The following ENTREP2 variants were observed in gnomAD, a reference collection of about 807,000 sequenced individuals.
ENTREP2 encodes the protein endosomal transmembrane epsin interactor 2.
the ENTREP2 span, among the ~76,000 whole-genome samples, chr15:29,603,101 C>T: frequency 6.6e-6 from 1 of 152,082 alleles, no homozygotes; most frequent in Non-Finnish European, 1.5e-5. Context: ...CCTCTGGCTG[C>T]AGTGTGGTGA....
the ENTREP2 span, among the ~76,000 whole-genome samples, chr15:29,459,495 T>G: frequency 2.0e-5 from 3 of 152,172 alleles, no homozygotes; most frequent in African/African-American, 7.2e-5. Context: ...TCCTCAATTC[T>G]CCAGTCTTCA....
the ENTREP2 span, among the ~76,000 whole-genome samples, chr15:29,359,674 G>A: frequency 3.3e-5 from 5 of 152,184 alleles, no homozygotes; most frequent in African/African-American, 1.2e-4. Flanking sequence ...GCCTCCCAAG[G>A]TGCTGGGATT....
chr15:29,570,520 G>A, the ENTREP2 span: 26 of 1,415,318 alleles, frequency 1.8e-5, no homozygotes, highest in African/African-American at 4.5e-5. Context: ...AGCCTGCCCA[G>A]AAGGGGCAGG....
the ENTREP2 span, among the ~76,000 whole-genome samples, chr15:29,588,435 T>C: frequency 6.7e-6 from 1 of 150,310 alleles, no homozygotes; most frequent in South Asian, 2.1e-4. Context: ...GCCACTGTAT[T>C]CCAGCCTGGG....
At chr15:29,394,882 C>A in the ENTREP2 span, among the ~76,000 whole-genome samples, 35 of 95,824 alleles carry the variant, frequency 3.7e-4, no homozygotes, top group African/African-American at 1.7e-3. Context: ...GTCAGAATCT[C>A]TTTTTTTTTT....
At chr15:29,417,549 C>T in the ENTREP2 span, among the ~76,000 whole-genome samples, 2 of 151,924 alleles carry the variant, frequency 1.3e-5, no homozygotes, top group Non-Finnish European at 2.9e-5. Context: ...TGCTGAATGA[C>T]GAGTTAATGG....
At chr15:29,466,238 C>T in the ENTREP2 span, among the ~76,000 whole-genome samples, 2 of 152,096 alleles carry the variant, frequency 1.3e-5, no homozygotes, top group Non-Finnish European at 2.9e-5. Context: ...AGCAAGAAAG[C>T]AGTGAGAGAG....
At chr15:29,389,567 G>T in the ENTREP2 span, among the ~76,000 whole-genome samples, 2 of 152,196 alleles carry the variant, frequency 1.3e-5, no homozygotes, top group Admixed American at 1.3e-4. Flanking sequence ...GTATAGTTCT[G>T]CCAGTAACAG....
chr15:29,501,579 G>GACCA, the ENTREP2 span, among the ~76,000 whole-genome samples: 2 of 152,002 alleles, frequency 1.3e-5, no homozygotes, highest in Admixed American at 1.3e-4. Flanking sequence ...GGGAAAGACT[G>GACCA]AAAGCTTTGC....
the ENTREP2 span, among the ~76,000 whole-genome samples, chr15:29,642,572 T>C: frequency 4.2e-5 from 6 of 143,288 alleles, no homozygotes; most frequent in African/African-American, 1.6e-4. Context: ...TACTATATAC[T>C]ATATATATAC....
chr15:29,234,851 T>C, the ENTREP2 span: 30 of 1,427,402 alleles, frequency 2.1e-5, no homozygotes, highest in Non-Finnish European at 2.9e-5. Context: ...ATTAGATATG[T>C]TTGCTTGGTG....
chr15:29,506,015 A>G, the ENTREP2 span, among the ~76,000 whole-genome samples: 1,710 of 152,236 alleles, frequency 0.011, 28 homozygotes, highest in African/African-American at 0.039. Flanking sequence ...AGAGCCTTGA[A>G]AAAGGTTAGA....
chr15:29,619,119 G>A, the ENTREP2 span, among the ~76,000 whole-genome samples: 19 of 152,194 alleles, frequency 1.2e-4, no homozygotes, highest in Admixed American at 9.8e-4. Flanking sequence ...ATGGCTGGGC[G>A]CGGTGGCTCA....
At chr15:29,477,780 G>A in the ENTREP2 span, among the ~76,000 whole-genome samples, 1 of 152,034 alleles carries the variant, frequency 6.6e-6, no homozygotes, top group East Asian at 1.9e-4. Context: ...CTTGGGGAGG[G>A]GGTGGGTGTA....
At chr15:29,327,120 A>C in the ENTREP2 span, among the ~76,000 whole-genome samples, 1 of 152,208 alleles carries the variant, frequency 6.6e-6, no homozygotes, top group African/African-American at 2.4e-5. Context: ...TTCTTTAAGA[A>C]AACACAGAAT....
the ENTREP2 span, among the ~76,000 whole-genome samples, chr15:29,131,915 C>CAA: frequency 9.1e-4 from 27 of 29,692 alleles, no homozygotes; most frequent in South Asian, 0.057. Flanking sequence ...AGTACAGCCT[C>CAA]AAACCACAGG....
At chr15:29,268,095 G>A in the ENTREP2 span, 2 of 152,218 alleles carry the variant, frequency 1.3e-5, no homozygotes, top group East Asian at 3.9e-4. Context: ...TTAAGATGTT[G>A]ATTTCCAGTC....
the ENTREP2 span, among the ~76,000 whole-genome samples, chr15:29,325,349 T>G: frequency 6.6e-6 from 1 of 151,900 alleles, no homozygotes; most frequent in South Asian, 2.1e-4. Context: ...GAAATCTGAA[T>G]AGAAAATTGA....
At chr15:29,319,194 A>T in the ENTREP2 span, among the ~76,000 whole-genome samples, 1 of 152,216 alleles carries the variant, frequency 6.6e-6, no homozygotes, top group Non-Finnish European at 1.5e-5. Flanking sequence ...TTCTTACTTC[A>T]CTTCAGATGA....
Sources: gnomAD v4.1 joint callset for allele counts (sites outside exome capture counted in the v4.1 genomes callset) on GRCh38, gnomAD v4.1.1 for gene constraint, MANE v1.5 for transcripts, NCBI Gene and HGNC (gene_info 2026-07-23, HGNC 2026-07-21) for gene names.